Variants in KCNB2 observed in about 807,000 individuals in gnomAD.
KCNB2 encodes potassium voltage-gated channel subfamily B member 2.
A neutral mutation model predicts 61.5 loss-of-function variants in KCNB2; 15 were observed. That is an observed-to-expected ratio of 0.24 (90% CI 0.16 to 0.38). The LOEUF (loss-of-function observed/expected upper bound fraction) is 0.38, where lower values mean the gene tolerates loss of function less well. Among genes scored for constraint, KCNB2 ranks in the 10% least tolerant of loss-of-function variants. The pLI, the probability that KCNB2 is intolerant of heterozygous loss-of-function variation, is 1.00. For missense variants in KCNB2, 828 were observed against 1,125.2 expected (o/e 0.74, Z 3.78); for synonymous variants, 457 against 446.0 (o/e 1.02, Z -0.31).
intron 2 of KCNB2, among the ~76,000 whole-genome samples, chr8:72,644,896 C>G (rs1461000093): frequency 6.6e-6 from 1 of 152,092 alleles, no homozygotes; most frequent in Admixed American, 6.6e-5. Context: ...AAGTCTAGGT[C>G]GGTTGACTCC....
chr8:72,853,096 G>T (rs1027069994), intron 2 of KCNB2, among the ~76,000 whole-genome samples: 3 of 152,202 alleles, frequency 2.0e-5, no homozygotes, highest in Non-Finnish European at 4.4e-5. Flanking sequence ...ATACTTATTT[G>T]TGTTATCTTG....
intron 2 of KCNB2, among the ~76,000 whole-genome samples, chr8:72,872,452 G>T (rs914373959): frequency 1.3e-5 from 2 of 152,146 alleles, no homozygotes; most frequent in Admixed American, 1.3e-4. Flanking sequence ...TGTGGTGGTG[G>T]TTTGTGCATT....
At chr8:72,653,681 A>G (rs1230179511) in intron 2 of KCNB2, among the ~76,000 whole-genome samples, 2 of 152,176 alleles carry the variant, frequency 1.3e-5, no homozygotes, top group African/African-American at 2.4e-5. Flanking sequence ...ATATGTTTAC[A>G]TATCATCTAT....
In KCNB2 at chr8:72,722,488, GCCCTCT is replaced by G. The variant is rs1405607564; in HGVS notation, c.579+154176_579+154181del. On this transcript the variant is annotated intron_variant, in intron 2 of 2. Transcript: ENST00000523207. ...AGCCCAGAGGCTTTGCATGCGCTGG[GCCCTCT>G]GCTCAGACTGCTCTTACCACTCTCT... Among the ~76,000 whole-genome samples, 6 of 152,276 alleles carry G rather than the reference GCCCTCT, an allele frequency of 3.9e-5. No individual in the cohort carries two copies. In the East Asian group the frequency reaches 1.2e-3, roughly 29 times the overall value.
At chr8:72,887,843 G>A (rs1033982359) in intron 2 of KCNB2, among the ~76,000 whole-genome samples, 2 of 152,140 alleles carry the variant, frequency 1.3e-5, no homozygotes, top group African/African-American at 4.8e-5. Flanking sequence ...CTTTCTCTCT[G>A]CCCAGAAAGG....
At chr8:72,933,078 C>T (rs1470880455) in intron 2 of KCNB2, among the ~76,000 whole-genome samples, 1 of 152,152 alleles carries the variant, frequency 6.6e-6, no homozygotes, top group African/African-American at 2.4e-5. Context: ...TTTTCTTTAA[C>T]GTGAATATGG....
intron 2 of KCNB2, among the ~76,000 whole-genome samples, chr8:72,766,262 G>A (rs1808459520): frequency 6.6e-6 from 1 of 152,142 alleles, no homozygotes; most frequent in Non-Finnish European, 1.5e-5. Context: ...GTGCAACCTG[G>A]ACATATTGTG....
At chr8:72,701,985 A>G (rs1037746919) in intron 2 of KCNB2, among the ~76,000 whole-genome samples, 6 of 152,172 alleles carry the variant, frequency 3.9e-5, no homozygotes, top group African/African-American at 1.4e-4. Context: ...GATTACAGGA[A>G]ATTTTAGCTT....
At chr8:72,567,567 A>G (rs1454890058) in intron 1 of KCNB2, 75 bp from the exon 2 acceptor site, 3 of 555,464 alleles carry the variant, frequency 5.4e-6, no homozygotes, top group East Asian at 5.7e-5. Flanking sequence ...TCTGGTTGTT[A>G]CAACAGAATG....
chr8:72,621,609 GAT>G (rs1563541043), intron 2 of KCNB2, among the ~76,000 whole-genome samples: 1 of 152,066 alleles, frequency 6.6e-6, no homozygotes, highest in Admixed American at 6.5e-5. Context: ...GATATGTTTG[GAT>G]ACAGGCATGC....
intron 2 of KCNB2, among the ~76,000 whole-genome samples, chr8:72,731,124 G>C (rs1455350085): frequency 6.6e-6 from 1 of 152,164 alleles, no homozygotes; most frequent in Non-Finnish European, 1.5e-5. Context: ...GGTCTATAAA[G>C]GTGGATTGGA....
At chr8:72,782,294 A>G (rs1256412959) in intron 2 of KCNB2, among the ~76,000 whole-genome samples, 1 of 152,080 alleles carries the variant, frequency 6.6e-6, no homozygotes, top group East Asian at 1.9e-4. Flanking sequence ...ATATAGGGAA[A>G]AATTGTAGGG....
chr8:72,732,047 G>C (rs1012042331), intron 2 of KCNB2: 1 of 152,218 alleles, frequency 6.6e-6, no homozygotes, highest in African/African-American at 2.4e-5. Context: ...TCCTCCTTCA[G>C]ATGCCAAGAG....
At chr8:72,863,931 G>A (rs975394106) in intron 2 of KCNB2, among the ~76,000 whole-genome samples, 11 of 152,190 alleles carry the variant, frequency 7.2e-5, no homozygotes, top group African/African-American at 2.7e-4. Context: ...TTGAGCCCAG[G>A]AGGCAGAGGT....
intron 2 of KCNB2, among the ~76,000 whole-genome samples, chr8:72,724,510 A>T (rs1443211940): frequency 6.6e-6 from 1 of 152,158 alleles, no homozygotes; most frequent in Non-Finnish European, 1.5e-5. Context: ...CTGCACCTTT[A>T]TTTGATTTCT....
chr8:72,682,261 C>T (rs1237369240), intron 2 of KCNB2, among the ~76,000 whole-genome samples: 1 of 152,124 alleles, frequency 6.6e-6, no homozygotes, highest in African/African-American at 2.4e-5. Flanking sequence ...AGCATAGTCT[C>T]CTGAAAAGCT....
At chr8:72,538,573 C>T (rs1417034004) in intron 1 of KCNB2, among the ~76,000 whole-genome samples, 1 of 152,080 alleles carries the variant, frequency 6.6e-6, no homozygotes, top group Non-Finnish European at 1.5e-5. Flanking sequence ...CACAAACATG[C>T]CATTTATGCA....
At chr8:72,930,847 G>C (rs1806767064) in intron 2 of KCNB2, among the ~76,000 whole-genome samples, 1 of 152,112 alleles carries the variant, frequency 6.6e-6, no homozygotes, top group African/African-American at 2.4e-5. Context: ...ATTGCTTTTG[G>C]TGTTTTAGAC....
At chr8:72,735,531 G>A (rs1807828688) in intron 2 of KCNB2, among the ~76,000 whole-genome samples, 2 of 152,188 alleles carry the variant, frequency 1.3e-5, no homozygotes, top group South Asian at 4.1e-4. Context: ...AAACTTTACT[G>A]TGTGGTAATG....
Sources: allele counts gnomAD v4.1 joint callset (sites outside exome capture counted in the v4.1 genomes callset), GRCh38; gene constraint gnomAD v4.1.1; transcripts MANE v1.5; gene names NCBI Gene and HGNC (gene_info 2026-07-23, HGNC 2026-07-21).